ARHGAP15: variants seen among roughly 807,000 people sequenced by gnomAD.
The protein encoded by ARHGAP15 is Rho GTPase activating protein 15, also known as rho GTPase-activating protein 15.
In ARHGAP15, 51 loss-of-function variants were observed where a neutral mutation model predicts 63.7. The observed-to-expected ratio is 0.80, with a 90% confidence interval of 0.64 to 1.01. The LOEUF is 1.01. Ranked by LOEUF, ARHGAP15 falls within the 50% of genes least tolerant of loss-of-function variation. ARHGAP15 has a pLI of 0.00. For missense variants in ARHGAP15, 560 were observed against 564.6 expected (o/e 0.99, Z 0.08); for synonymous variants, 191 against 193.8 (o/e 0.99, Z 0.12).
In ARHGAP15 at chr2:143,435,582, CTTTTTT is replaced by C. The variant is rs11438710; in HGVS notation, c.475-10_475-5del. The stretch of plus-strand genomic sequence containing the variant: ...TTTCTTTACCTGTCTATTTCTTTTT[CTTTTTT>C]TTTTTTTTGCAGATCACAACAGTAT... On this transcript the variant is annotated splice_polypyrimidine_tract_variant and intron_variant, in intron 6 of 13. Coordinates refer to ENST00000295095, the MANE Select transcript of ARHGAP15 (RefSeq NM_018460.4). 9 of 1,356,706 alleles carry C rather than the reference CTTTTTT, an allele frequency of 6.6e-6. No homozygotes were observed. The East Asian group carries it at 2.5e-4, about 38-fold the overall frequency. 84.0% of individuals were successfully genotyped at this position (1,356,706 alleles called of 1,614,324 possible).
At chr2:143,755,956 ACTCCAT>A (rs1686561858) in intron 13 of ARHGAP15, among the ~76,000 whole-genome samples, 1 of 151,520 alleles carries the variant, frequency 6.6e-6, no homozygotes, top group South Asian at 2.1e-4. Flanking sequence ...ACAGAGTGAG[ACTCCAT>A]CTCAAAAAAA....
intron 12 of ARHGAP15, among the ~76,000 whole-genome samples, chr2:143,679,512 T>A (rs1459842373): frequency 6.6e-6 from 1 of 152,212 alleles, no homozygotes; most frequent in African/African-American, 2.4e-5. Context: ...ATCTATTTCC[T>A]TTTTCTTCTC....
chr2:143,554,343 C>A (rs1007957068), intron 10 of ARHGAP15, among the ~76,000 whole-genome samples: 3 of 152,084 alleles, frequency 2.0e-5, no homozygotes, highest in Non-Finnish European at 4.4e-5. Context: ...ACTTTATTCA[C>A]CACTCATGGT....
At chr2:143,536,090 A>G (rs1246693221) in intron 10 of ARHGAP15, among the ~76,000 whole-genome samples, 2 of 152,224 alleles carry the variant, frequency 1.3e-5, no homozygotes, top group East Asian at 1.9e-4. Context: ...TTTCAGGAAT[A>G]TATGTCATCA....
chr2:143,165,643 G>A (rs1417801782), intron 2 of ARHGAP15, among the ~76,000 whole-genome samples: 1 of 152,042 alleles, frequency 6.6e-6, no homozygotes, highest in African/African-American at 2.4e-5. Context: ...GTAATCAGCA[G>A]TGAAAGGTTA....
At position 143,569,825 on chromosome 2, in the gene ARHGAP15, A is replaced by G. The variant is rs528707223; in HGVS notation, c.1003+13340A>G. Among the ~76,000 whole-genome samples the G allele has an allele frequency of 5.9e-5, 9 of 152,346 alleles. No individual in the cohort carries two copies. The South Asian group carries it at 1.9e-3, about 32-fold the overall frequency. ...TGTTACAGTAGCACAGTCAAGCTAT[A>G]ATAGTGGTGGCTGATTTGTATGAGG... On this transcript the variant is annotated intron_variant, in intron 11 of 13. Coordinates refer to ENST00000295095, the MANE Select transcript of ARHGAP15 (RefSeq NM_018460.4).
intron 12 of ARHGAP15, among the ~76,000 whole-genome samples, chr2:143,657,705 CTA>C (rs1374865857): frequency 1.3e-5 from 2 of 152,160 alleles, no homozygotes; most frequent in East Asian, 1.9e-4. Flanking sequence ...GTCATTCCAC[CTA>C]TGTCTATCAT....
chr2:143,254,646 A>G (rs1474597562), intron 6 of ARHGAP15, among the ~76,000 whole-genome samples: 1 of 152,088 alleles, frequency 6.6e-6, no homozygotes, highest in Non-Finnish European at 1.5e-5. Flanking sequence ...AGAGCACTAT[A>G]ATTATTTCCG....
chr2:143,336,960 G>A (rs150256734), intron 6 of ARHGAP15, among the ~76,000 whole-genome samples: 7 of 152,142 alleles, frequency 4.6e-5, no homozygotes, highest in Non-Finnish European at 1.0e-4. Flanking sequence ...TTTACAGGCT[G>A]TAAGGAAGAG....
At chr2:143,245,828 C>T (rs1167182127) in intron 5 of ARHGAP15, among the ~76,000 whole-genome samples, 1 of 152,114 alleles carries the variant, frequency 6.6e-6, no homozygotes, top group Non-Finnish European at 1.5e-5. Context: ...CAGGACATGC[C>T]TTGTGAGTCC....
chr2:143,744,605 T>C (rs560636365), intron 13 of ARHGAP15, among the ~76,000 whole-genome samples: 19 of 152,344 alleles, frequency 1.2e-4, no homozygotes, highest in Middle Eastern at 3.4e-3. Context: ...TGCGAATGTA[T>C]AAACACAAAA....
At chr2:143,207,815 A>G (rs959831797) in intron 3 of ARHGAP15, among the ~76,000 whole-genome samples, 1 of 152,168 alleles carries the variant, frequency 6.6e-6, no homozygotes, top group Admixed American at 6.6e-5. Flanking sequence ...GATTGATTAT[A>G]GACCATTCAT....
chr2:143,142,545 C>T (rs1689412228), intron 1 of ARHGAP15, among the ~76,000 whole-genome samples: 1 of 151,994 alleles, frequency 6.6e-6, no homozygotes, highest in Non-Finnish European at 1.5e-5. Context: ...TTGACTAAGT[C>T]ATAACAAATA....
At chr2:143,231,613 C>T (rs945870630) in intron 5 of ARHGAP15, among the ~76,000 whole-genome samples, 1 of 152,188 alleles carries the variant, frequency 6.6e-6, no homozygotes, top group South Asian at 2.1e-4. Flanking sequence ...CTGCCTGACC[C>T]CACATTCTGT....
chr2:143,312,007 T>C (rs1048169287), intron 6 of ARHGAP15, among the ~76,000 whole-genome samples: 6 of 152,126 alleles, frequency 3.9e-5, no homozygotes, highest in Admixed American at 6.6e-5. Context: ...CATACATGAT[T>C]ACACACATGC....
chr2:143,630,699 C>A (rs1324321433), intron 12 of ARHGAP15, among the ~76,000 whole-genome samples: 1 of 152,040 alleles, frequency 6.6e-6, no homozygotes, highest in Non-Finnish European at 1.5e-5. Flanking sequence ...TTTCTTGTTT[C>A]ATCAACATTC....
chr2:143,717,685 C>T (rs953142494), intron 13 of ARHGAP15, among the ~76,000 whole-genome samples: 7 of 152,170 alleles, frequency 4.6e-5, no homozygotes, highest in Non-Finnish European at 7.3e-5. Flanking sequence ...GTGTTCTTGA[C>T]ATTTGTGTAT....
chr2:143,435,466 A>T, intron 6 of ARHGAP15, 135 bp from the exon 7 acceptor site: 3 of 1,287,070 alleles, frequency 2.3e-6, no homozygotes, highest in Non-Finnish European at 3.0e-6. Context: ...TCCCAGAAAG[A>T]CAATTACTGG....
At chr2:143,703,632 A>G (rs1388803715) in intron 13 of ARHGAP15, 108 bp downstream of exon 13, 1 of 796,118 alleles carries the variant, frequency 1.3e-6, no homozygotes, top group Non-Finnish European at 1.9e-6. Context: ...TACATCTCGT[A>G]TTTTCCCTTG....
Sources: gnomAD v4.1 joint callset for allele counts (sites outside exome capture counted in the v4.1 genomes callset) on GRCh38, gnomAD v4.1.1 for gene constraint, MANE v1.5 for transcripts, NCBI Gene and HGNC (gene_info 2026-07-23, HGNC 2026-07-21) for gene names.